Variants in SGPP2 observed in about 807,000 individuals in gnomAD.
SGPP2 encodes the protein sphingosine 1-phosphate phosphohydrolase 2.
In SGPP2, 30 loss-of-function variants were observed where a neutral mutation model predicts 33.9. The ratio of observed to expected loss-of-function variants is 0.89; its 90% CI spans 0.66 to 1.20. SGPP2 has a LOEUF of 1.20. Ranked by LOEUF, SGPP2 falls within the 50% of genes most tolerant of loss-of-function variation. SGPP2 has a pLI of 0.00. For synonymous variants in SGPP2, 233 were observed against 225.0 expected (o/e 1.04, Z -0.32); for missense variants, 458 against 532.1 (o/e 0.86, Z 1.37).
chr2:222,493,161 G>A (rs551873774), intron 2 of SGPP2, among the ~76,000 whole-genome samples: 77 of 152,168 alleles, frequency 5.1e-4, no homozygotes, highest in African/African-American at 1.4e-3. Context: ...TGTATTAGTC[G>A]ATTTTCACAC....
rs192114781 is a variant in SGPP2, at chr2:222,474,686, T to C, written c.338T>C (p.Ile113Thr). 94 of 1,613,890 alleles carry C rather than the reference T, an allele frequency of 5.8e-5. No homozygotes were observed. Among genetic ancestry groups the C allele is most frequent in the Non-Finnish European group, 7.4e-5 (87 of 1,179,894 alleles). ...TTTCTTCCATTCACTCACTGGAATATTGACCCTTATTTATCCAGAAGATTG... is the reference window on the plus strand; with the variant it reads ...TTTCTTCCATTCACTCACTGGAATACTGACCCTTATTTATCCAGAAGATTG... ...ITFLPFTHWNIDPYLSRRLII... is the reference protein window; with the variant it reads ...ITFLPFTHWNTDPYLSRRLII... Residue 113 changes from isoleucine (I) to threonine (T), a missense_variant, in exon 2 of 5, where the codon ATT becomes ACT. By Grantham distance (89) the Ile-to-Thr change is moderately conservative. Transcript: ENST00000321276.
rs907837316 is a variant in SGPP2, at chr2:222,474,741, T to C, written c.378+15T>C. On this transcript the variant is annotated intron_variant, in intron 2 of 4. Transcript: ENST00000321276. The stretch of plus-strand genomic sequence containing the variant: ...TCATATGGGTTGTAAGTATTATTAC[T>C]ACTCATTAACTGATGCTACTTCTAA... 6.3e-6 allele frequency: 10 copies of C among 1,596,224 alleles called. No individual in the cohort carries two copies. In the South Asian group the frequency reaches 1.1e-4, roughly 18 times the overall value.
At chr2:222,553,298 G>A (rs1689329329) in intron 4 of SGPP2, among the ~76,000 whole-genome samples, 1 of 152,192 alleles carries the variant, frequency 6.6e-6, no homozygotes, top group African/African-American at 2.4e-5. Flanking sequence ...ATTAAAGTGT[G>A]CTGTACATAA....
At chr2:222,450,986 C>A (rs1278825453) in intron 1 of SGPP2, among the ~76,000 whole-genome samples, 2 of 152,074 alleles carry the variant, frequency 1.3e-5, no homozygotes, top group Admixed American at 6.5e-5. Flanking sequence ...ACAACAACCT[C>A]TTTGTGAATT....
In SGPP2 at chr2:222,550,806, GT is replaced by G. The variant is rs1231410669; in HGVS notation, c.649-7539del. ...CTGATGTTTCTGTAATGGAGCATGTGTTACTTTTTGGACTTAAATGGCATGA... is the reference window on the plus strand; with the variant it reads ...CTGATGTTTCTGTAATGGAGCATGTGTACTTTTTGGACTTAAATGGCATGA... On this transcript the variant is annotated intron_variant, in intron 4 of 4. Coordinates refer to ENST00000321276, the MANE Select transcript of SGPP2 (RefSeq NM_152386.4). This position sits in a 1 kb window ranked among gnomAD's most constrained non-coding sequence, Gnocchi z 4.5. 2.0e-4 allele frequency among the ~76,000 whole-genome samples: 31 copies of G among 151,656 alleles called. No homozygotes were observed. The highest frequency in any genetic ancestry group is 6.8e-4 in the African/African-American group (28 of 41,018).
Position 222,465,752 on chromosome 2 carries a change from G to A in SGPP2, c.220-8816G>A, listed in dbSNP as rs73993564. 0.013 allele frequency among the ~76,000 whole-genome samples: 1,983 copies of A among 152,194 alleles called. 42 individuals carry two copies. The highest frequency in any genetic ancestry group is 0.044 in the African/African-American group (1,810 of 41,518). ...GTCTCAAGTCTGGGCTTGGTTTCAC[G>A]TCTGCTCTTGAGGTCATCTCCTCTC... On this transcript the variant is annotated intron_variant, in intron 1 of 4. Transcript: ENST00000321276. This position sits in a 1 kb window ranked among gnomAD's most constrained non-coding sequence, Gnocchi z 4.1.
rs1445926301 is a variant in SGPP2, at chr2:222,558,247, T to C, written c.649-100T>C. On this transcript the variant is annotated intron_variant, in intron 4 of 4. Coordinates refer to ENST00000321276, the MANE Select transcript of SGPP2 (RefSeq NM_152386.4). The stretch of plus-strand genomic sequence containing the variant: ...CTGTAAAATAAAACAATGCAAAAAT[T>C]GTGTTTTAAATATCAAATTAGCCAT... The C allele has an allele frequency of 3.9e-6, 5 of 1,267,378 alleles. No homozygotes were observed. The East Asian group carries it at 1.2e-4, about 30-fold the overall frequency. The allele number at this position is 1,267,378 out of a possible 1,614,324, so 78.5% of individuals were successfully genotyped here.
chr2:222,517,035 ACTAC>A (rs985330053), intron 2 of SGPP2, among the ~76,000 whole-genome samples: 3 of 152,128 alleles, frequency 2.0e-5, no homozygotes, highest in African/African-American at 7.2e-5. Context: ...AGGAGCTCCC[ACTAC>A]CTATTATCCA....
chr2:222,509,061 C>T (rs1373916516), intron 2 of SGPP2, among the ~76,000 whole-genome samples: 1 of 151,978 alleles, frequency 6.6e-6, no homozygotes, highest in African/African-American at 2.4e-5. Context: ...ATAACCATCA[C>T]CAAGAATTGC....
chr2:222,457,368 T>C (rs1229479605), intron 1 of SGPP2, among the ~76,000 whole-genome samples: 1 of 152,134 alleles, frequency 6.6e-6, no homozygotes, highest in Non-Finnish European at 1.5e-5. Context: ...GGCCTATGCA[T>C]TAATATTTGC....
chr2:222,525,758 C>T (rs1435112162), intron 4 of SGPP2, among the ~76,000 whole-genome samples: 1 of 152,164 alleles, frequency 6.6e-6, no homozygotes, highest in African/African-American at 2.4e-5. Context: ...GAAATGGGCC[C>T]TTGCTCATTG....
chr2:222,466,441 G>A (rs1330030147), intron 1 of SGPP2, among the ~76,000 whole-genome samples: 1 of 151,962 alleles, frequency 6.6e-6, no homozygotes, highest in African/African-American at 2.4e-5. Context: ...TGTATTTTTA[G>A]TGGAGATGGG....
chr2:222,468,858 A>T (rs1697795584), intron 1 of SGPP2, among the ~76,000 whole-genome samples: 1 of 152,222 alleles, frequency 6.6e-6, no homozygotes, highest in Non-Finnish European at 1.5e-5. Context: ...TATCAGCAAG[A>T]TAGAGTAGCT....
chr2:222,468,251 A>G (rs932718937), intron 1 of SGPP2, among the ~76,000 whole-genome samples: 1 of 151,880 alleles, frequency 6.6e-6, no homozygotes, highest in Non-Finnish European at 1.5e-5. Flanking sequence ...CTGGCCTGGG[A>G]TAGAGGTTTG....
chr2:222,475,656 C>G (rs1486245266), intron 2 of SGPP2, among the ~76,000 whole-genome samples: 2 of 152,228 alleles, frequency 1.3e-5, no homozygotes, highest in Non-Finnish European at 2.9e-5. Flanking sequence ...CCCAGGTAGA[C>G]AGGCAGAGCC....
intron 4 of SGPP2, among the ~76,000 whole-genome samples, chr2:222,532,092 G>A (rs1698847252): frequency 1.3e-5 from 2 of 152,088 alleles, no homozygotes; most frequent in African/African-American, 4.8e-5. Context: ...GACCAACATG[G>A]AGAAACCCCA....
chr2:222,542,987 C>T (rs1418420862), intron 4 of SGPP2, among the ~76,000 whole-genome samples: 5 of 152,008 alleles, frequency 3.3e-5, no homozygotes, highest in Non-Finnish European at 4.4e-5. Flanking sequence ...GATGAGGTCT[C>T]GCTATGTCAC....
intron 4 of SGPP2, among the ~76,000 whole-genome samples, chr2:222,539,980 A>T (rs1011079260): frequency 6.6e-6 from 1 of 152,216 alleles, no homozygotes; most frequent in African/African-American, 2.4e-5. Context: ...AACAGAAAAG[A>T]CAAGAATGTG....
chr2:222,522,599 C>T (rs1449807797), intron 3 of SGPP2, among the ~76,000 whole-genome samples: 2 of 152,112 alleles, frequency 1.3e-5, no homozygotes, highest in East Asian at 3.9e-4. Context: ...TTATTTTTCT[C>T]CTATTTGAGA....
Sources: gnomAD v4.1 joint callset for allele counts (sites outside exome capture counted in the v4.1 genomes callset) on GRCh38, gnomAD v4.1.1 for gene constraint, Gnocchi (gnomAD v3.1) non-coding constraint, MANE v1.5 for transcripts, NCBI Gene and HGNC (gene_info 2026-07-23, HGNC 2026-07-21) for gene names.